Variants in TBC1D12 observed in about 807,000 individuals in gnomAD.
TBC1D12 encodes the protein TBC1 domain family, member 12.
Under a neutral mutation model 86.7 loss-of-function variants are expected in TBC1D12, and 56 were observed. The observed-to-expected ratio is 0.65, with a 90% CI of 0.52 to 0.81. TBC1D12 has a LOEUF of 0.81. Among genes scored for constraint, TBC1D12 ranks in the 30% least tolerant of loss-of-function variants. TBC1D12 has a pLI of 0.00. For missense variants in TBC1D12, 1,023 were observed against 1,038.8 expected (o/e 0.98, Z 0.21); for synonymous variants, 421 against 411.7 (o/e 1.02, Z -0.27).
intron 6 of TBC1D12, among the ~76,000 whole-genome samples, chr10:94,503,873 C>T (rs1354627498): frequency 6.6e-6 from 1 of 152,208 alleles, no homozygotes; most frequent in Non-Finnish European, 1.5e-5. Context: ...GATAGGCCCA[C>T]CTCGGCCTCC....
intron 3 of TBC1D12, among the ~76,000 whole-genome samples, chr10:94,480,061 C>A (rs1471314342): frequency 6.6e-6 from 1 of 152,182 alleles, no homozygotes; most frequent in Non-Finnish European, 1.5e-5. Context: ...CCTCTACATA[C>A]CTCTACTTTG....
intron 1 of TBC1D12, among the ~76,000 whole-genome samples, chr10:94,416,688 A>G (rs2055002927): frequency 6.6e-6 from 1 of 152,178 alleles, no homozygotes; most frequent in Admixed American, 6.6e-5. Context: ...AATGTTTACA[A>G]TATTACCTGA....
intron 1 of TBC1D12, among the ~76,000 whole-genome samples, chr10:94,417,325 A>G (rs1304106392): frequency 6.6e-6 from 1 of 152,208 alleles, no homozygotes; most frequent in Non-Finnish European, 1.5e-5. Context: ...CAATCTCTGC[A>G]AGAAGGGGTG....
At chr10:94,518,861 A>G (rs1244436095) in intron 9 of TBC1D12, among the ~76,000 whole-genome samples, 3 of 152,072 alleles carry the variant, frequency 2.0e-5, no homozygotes, top group Non-Finnish European at 4.4e-5. Context: ...GATCACCTGA[A>G]GTCAGGAGTT....
intron 8 of TBC1D12, among the ~76,000 whole-genome samples, 193 bp from the exon 9 acceptor site, chr10:94,511,390 A>C (rs890703718): frequency 6.6e-6 from 1 of 151,864 alleles, no homozygotes; most frequent in Non-Finnish European, 1.5e-5. Context: ...GAGCCACCGC[A>C]CCCATCTGCA....
intron 2 of TBC1D12, among the ~76,000 whole-genome samples, chr10:94,466,661 C>T (rs2134132392): frequency 6.6e-6 from 1 of 152,232 alleles, no homozygotes; most frequent in South Asian, 2.1e-4. Flanking sequence ...TATTGTGATA[C>T]TGAAAAAACA....
At chr10:94,479,009 T>C (rs959830926) in intron 3 of TBC1D12, among the ~76,000 whole-genome samples, 1 of 151,766 alleles carries the variant, frequency 6.6e-6, no homozygotes, top group Non-Finnish European at 1.5e-5. Flanking sequence ...AATGATAAAA[T>C]GAAAATTTCT....
chr10:94,506,661 G>C (rs1194207058), intron 6 of TBC1D12, among the ~76,000 whole-genome samples: 1 of 152,178 alleles, frequency 6.6e-6, no homozygotes, highest in Non-Finnish European at 1.5e-5. Flanking sequence ...TAAAAAGATA[G>C]GGGTAGAGAT....
chr10:94,482,053 A>G (rs962256269), intron 3 of TBC1D12, among the ~76,000 whole-genome samples: 3 of 152,192 alleles, frequency 2.0e-5, no homozygotes, highest in Admixed American at 1.3e-4. Flanking sequence ...GGTTTATTAC[A>G]TAGGTAAACT....
intron 8 of TBC1D12, among the ~76,000 whole-genome samples, chr10:94,510,897 T>G (rs1355880203): frequency 6.6e-6 from 1 of 152,166 alleles, no homozygotes; most frequent in African/African-American, 2.4e-5. Context: ...AAGATTAAAA[T>G]TATTAACACA....
intron 2 of TBC1D12, among the ~76,000 whole-genome samples, chr10:94,449,950 A>G (rs1232963412): frequency 6.6e-6 from 1 of 152,160 alleles, no homozygotes; most frequent in African/African-American, 2.4e-5. Flanking sequence ...TTCGCTACAA[A>G]ACGCAAGGCA....
intron 1 of TBC1D12, among the ~76,000 whole-genome samples, chr10:94,440,934 C>T (rs2055371722): frequency 6.6e-6 from 1 of 152,198 alleles, no homozygotes; most frequent in African/African-American, 2.4e-5. Flanking sequence ...ACTGCAACCT[C>T]CGCCTCTAGG....
At chr10:94,524,236 G>T (rs1202451951) in intron 11 of TBC1D12, among the ~76,000 whole-genome samples, 1 of 152,130 alleles carries the variant, frequency 6.6e-6, no homozygotes, top group Non-Finnish European at 1.5e-5. Context: ...CACAAGGGGA[G>T]ATTTTGGGAA....
At chr10:94,429,057 T>A (rs971937650) in intron 1 of TBC1D12, among the ~76,000 whole-genome samples, 44 of 151,816 alleles carry the variant, frequency 2.9e-4, no homozygotes, top group Admixed American at 6.6e-4. Context: ...TTTTTTTTTT[T>A]AATTTAATTT....
Position 94,535,107 on chromosome 10 carries a change from C to A in TBC1D12, c.*2011C>A, listed in dbSNP as rs1416873031. On this transcript the variant is annotated 3_prime_UTR_variant, in exon 13 of 13. Transcript: ENST00000225235. Reference sequence around the variant, plus strand: ...AGTTAAATGTAGTCAACAGCAATGTCAGAACAATTGACATTGTCTTTCCAA... The same window carrying A: ...AGTTAAATGTAGTCAACAGCAATGTAAGAACAATTGACATTGTCTTTCCAA... 6.6e-6 allele frequency: 1 copy of A among 152,084 alleles called. No individual in the cohort carries two copies. Among genetic ancestry groups the A allele is most frequent in the Non-Finnish European group, 1.5e-5 (1 of 68,020 alleles). 9.4% of individuals were successfully genotyped at this position (152,084 alleles called of 1,614,324 possible).
intron 1 of TBC1D12, 71 bp downstream of exon 1, chr10:94,403,655 T>C (rs111940157): frequency 4.1e-5 from 55 of 1,343,962 alleles, no homozygotes; most frequent in Middle Eastern, 2.7e-4. Context: ...TTGGTGGGAG[T>C]CGGAGCCGGA....
intron 2 of TBC1D12, among the ~76,000 whole-genome samples, chr10:94,442,457 A>T (rs2055396318): frequency 6.6e-6 from 1 of 152,142 alleles, no homozygotes; most frequent in Non-Finnish European, 1.5e-5. Context: ...TTCCTTTGTC[A>T]CTTTTCTGGT....
intron 1 of TBC1D12, among the ~76,000 whole-genome samples, chr10:94,413,750 TA>T (rs1183107710): frequency 6.6e-6 from 1 of 151,946 alleles, no homozygotes; most frequent in Non-Finnish European, 1.5e-5. Context: ...TTTTTTTTTT[TA>T]ATTTGAATTT....
chr10:94,463,468 C>T (rs376126763), intron 2 of TBC1D12, among the ~76,000 whole-genome samples: 70 of 152,250 alleles, frequency 4.6e-4, no homozygotes, highest in African/African-American at 1.6e-3. Flanking sequence ...CTACCAGTCC[C>T]ACTCTCATGA....
Sources: allele counts gnomAD v4.1 joint callset (sites outside exome capture counted in the v4.1 genomes callset), GRCh38; gene constraint gnomAD v4.1.1; transcripts MANE v1.5; gene names NCBI Gene and HGNC (gene_info 2026-07-23, HGNC 2026-07-21).